Variants in NAP1L1 observed in about 807,000 individuals in gnomAD.
NAP1L1 encodes nucleosome assembly protein 1-like 1.
In NAP1L1, 9 loss-of-function variants were observed where a neutral mutation model predicts 58.9. The observed-to-expected ratio is 0.15, with a 90% CI of 0.09 to 0.27. The LOEUF is 0.27. Ranked by LOEUF, NAP1L1 falls within the 10% of genes least tolerant of loss-of-function variation. The probability of loss-of-function intolerance (pLI) is 1.00; values close to 1 mark genes in which losing one functional copy is unlikely to be tolerated. For missense variants in NAP1L1, 302 were observed against 458.8 expected (o/e 0.66, Z 3.12); for synonymous variants, 130 against 138.3 (o/e 0.94, Z 0.42).
In NAP1L1 at chr12:76,053,722, A is replaced by G. The variant is rs142725910; in HGVS notation, c.770+48T>C. 106 of 1,586,046 alleles carry G rather than the reference A, an allele frequency of 6.7e-5. 1 individual carries two copies. In the African/African-American group the frequency reaches 1.2e-3, roughly 18 times the overall value. On this transcript the variant is annotated intron_variant, in intron 9 of 14. Transcript: ENST00000618691. ...ATAACCGAGTATACAAATCAAGTAT[A>G]ACAAAAACAGAAAAAACATTTTGTT...
intron 1 of NAP1L1, among the ~76,000 whole-genome samples, chr12:76,083,326 C>A (rs1229381490): frequency 6.6e-6 from 1 of 152,008 alleles, no homozygotes; most frequent in Non-Finnish European, 1.5e-5. Context: ...CAGCCAAGAA[C>A]AATTAAAGTC....
At chr12:76,052,576 C>T (rs114003506) in intron 11 of NAP1L1, among the ~76,000 whole-genome samples, 55 of 152,216 alleles carry the variant, frequency 3.6e-4, no homozygotes, top group East Asian at 2.3e-3. Context: ...CAAAAGAAAA[C>T]CAAATTCAAA....
rs1001181089 is a variant in NAP1L1, at chr12:76,040,307, A to G, written c.*8122T>C. 4.6e-5 allele frequency: 7 copies of G among 152,114 alleles called. No homozygotes were observed. Among genetic ancestry groups the G allele is most frequent in the Non-Finnish European group, 5.9e-5 (4 of 68,018 alleles). The allele number at this position is 152,114 out of a possible 1,614,324, so 9.4% of individuals were successfully genotyped here. A position where few individuals can be genotyped will look rare whatever the true frequency, so the allele number is the denominator to read the frequency against. ...GTACTAGGTAACTGCAACTATTGAT[A>G]TGCCTTCCCTTGACTTTAAAAAACA... On this transcript the variant is annotated 3_prime_UTR_variant, in exon 15 of 15. Transcript: ENST00000618691.
intron 2 of NAP1L1, among the ~76,000 whole-genome samples, chr12:76,070,339 C>T (rs763517900): frequency 1.2e-4 from 19 of 152,156 alleles, no homozygotes; most frequent in Non-Finnish European, 2.1e-4. Flanking sequence ...AACTCCTGGC[C>T]TCAGGTGATC....
chr12:76,037,872 G>A lies in NAP1L1; in HGVS notation c.*10557C>T, dbSNP rs1039958568. On this transcript the variant is annotated 3_prime_UTR_variant, in exon 15 of 15. Transcript: ENST00000618691. ...TGTTTTCGCCATTGTACCTAACGGA[G>A]AGCTGATTGACAGCACTTAAACTGA... 7.9e-5 allele frequency: 12 copies of A among 152,250 alleles called. No individual in the cohort carries two copies. Among genetic ancestry groups the A allele is most frequent in the African/African-American group, 2.9e-4 (12 of 41,558 alleles). 9.4% of individuals were successfully genotyped at this position (152,250 alleles called of 1,614,324 possible). A position where few individuals can be genotyped will look rare whatever the true frequency, so the allele number is the denominator to read the frequency against.
intron 6 of NAP1L1, chr12:76,057,358 A>G: frequency 5.1e-6 from 2 of 390,140 alleles, no homozygotes; most frequent in South Asian, 4.7e-5. Context: ...TGCCAGGTTG[A>G]ATAACAGTTC....
chr12:76,054,270 T>C (rs1180918731), intron 8 of NAP1L1, among the ~76,000 whole-genome samples: 1 of 145,626 alleles, frequency 6.9e-6, no homozygotes, highest in African/African-American at 2.4e-5. Context: ...CCTCAAGTGA[T>C]CCACCCACCT....
At chr12:76,050,774 G>A (rs1949329098) in intron 11 of NAP1L1, 121 bp from the exon 12 acceptor site, 2 of 1,041,060 alleles carry the variant, frequency 1.9e-6, no homozygotes, top group Non-Finnish European at 1.4e-6. Flanking sequence ...AACACTTCAG[G>A]AGGCCAAAGT....
At chr12:76,060,063 T>A in intron 5 of NAP1L1, 75 bp downstream of exon 5, 1 of 1,475,378 alleles carries the variant, frequency 6.8e-7, no homozygotes, top group Non-Finnish European at 9.3e-7. Flanking sequence ...AAGATTAACC[T>A]CTTCCAAGTC....
chr12:76,072,027 C>T (rs1276957416), intron 2 of NAP1L1, among the ~76,000 whole-genome samples: 2 of 151,354 alleles, frequency 1.3e-5, no homozygotes, highest in Admixed American at 6.6e-5. Context: ...TGACCCTACA[C>T]TGAAATCCCA....
chr12:76,078,941 T>C (rs1950295759), intron 1 of NAP1L1, among the ~76,000 whole-genome samples: 2 of 151,972 alleles, frequency 1.3e-5, no homozygotes, highest in Non-Finnish European at 2.9e-5. Flanking sequence ...AATCCACAGA[T>C]TCAAGTAGCC....
At position 76,079,009 on chromosome 12, in the gene NAP1L1, A is replaced by T. The variant is rs557709132; in HGVS notation, c.-20-4770T>A. On this transcript the variant is annotated intron_variant, in intron 1 of 14. Transcript: ENST00000618691. ...TATATATATATACACACACACACAC[A>T]CACATATATTTATCCAGCTCCGGAT... Among the ~76,000 whole-genome samples the T allele has an allele frequency of 2.4e-4, 36 of 152,216 alleles. No individual in the cohort carries two copies. In the East Asian group the frequency reaches 5.0e-3, roughly 21 times the overall value.
chr12:76,049,891 C>A (rs1436491782), intron 12 of NAP1L1, 106 bp from the exon 13 acceptor site: 1 of 1,210,898 alleles, frequency 8.3e-7, no homozygotes, highest in Non-Finnish European at 1.2e-6. Context: ...AAAGAGAAAA[C>A]CTACTTTCCT....
intron 8 of NAP1L1, 102 bp from the exon 9 acceptor site, chr12:76,054,011 A>C: frequency 8.3e-6 from 10 of 1,203,800 alleles, no homozygotes; most frequent in Non-Finnish European, 8.8e-6. Flanking sequence ...TCTAAATGAT[A>C]ATTTTTTTTT....
intron 4 of NAP1L1, among the ~76,000 whole-genome samples, chr12:76,063,653 C>T (rs147792384): frequency 8.4e-4 from 128 of 152,048 alleles, no homozygotes; most frequent in African/African-American, 2.9e-3. Context: ...AAAAATTAGC[C>T]AGGCATGGTT....
Position 76,049,794 on chromosome 12 carries a change from G to C in NAP1L1, c.1060-9C>G. ...TCACCTTCTTCATCATACTGAAAAG[G>C]AAAAACAGCGTTAAGTGTTGAGTGA... On this transcript the variant is annotated splice_polypyrimidine_tract_variant and intron_variant, in intron 12 of 14. Coordinates refer to ENST00000618691, the MANE Select transcript of NAP1L1 (RefSeq NM_004537.7). 1 of 1,612,582 alleles carries C rather than the reference G, an allele frequency of 6.2e-7. No individual in the cohort carries two copies.
At chr12:76,078,877 T>C (rs868817413) in intron 1 of NAP1L1, among the ~76,000 whole-genome samples, 4 of 152,204 alleles carry the variant, frequency 2.6e-5, no homozygotes, top group South Asian at 2.1e-4. Context: ...GACAGAATAT[T>C]TGAAGAAGTT....
rs886569894 is a variant in NAP1L1, at chr12:76,041,360, T to C, written c.*7069A>G. The C allele has an allele frequency of 1.3e-5, 2 of 152,224 alleles. No individual in the cohort carries two copies. Among genetic ancestry groups the C allele is most frequent in the Non-Finnish European group, 2.9e-5 (2 of 68,042 alleles). The allele number at this position is 152,224 out of a possible 1,614,324, so 9.4% of individuals were successfully genotyped here. A position where few individuals can be genotyped will look rare whatever the true frequency, so the allele number is the denominator to read the frequency against. On this transcript the variant is annotated 3_prime_UTR_variant, in exon 15 of 15. Coordinates refer to ENST00000618691, the MANE Select transcript of NAP1L1 (RefSeq NM_004537.7). The stretch of plus-strand genomic sequence containing the variant: ...CTGGTTCAAAACCAGTTCAGATTTA[T>C]AGAACCAAAGAGTAGGTACTGATGA...
At chr12:76,077,604 T>TTA (rs1388313742) in intron 1 of NAP1L1, among the ~76,000 whole-genome samples, 3 of 152,152 alleles carry the variant, frequency 2.0e-5, no homozygotes. Flanking sequence ...ATCTTATTTG[T>TTA]TATACATTAA....
Sources: allele counts gnomAD v4.1 joint callset (sites outside exome capture counted in the v4.1 genomes callset), GRCh38; gene constraint gnomAD v4.1.1; transcripts MANE v1.5; gene names NCBI Gene and HGNC (gene_info 2026-07-23, HGNC 2026-07-21).